The following FRMD4A variants were observed in gnomAD, a reference collection of about 807,000 sequenced individuals.
The protein encoded by FRMD4A is FERM domain-containing protein 4A.
Under a neutral mutation model 129.1 loss-of-function variants are expected in FRMD4A, and 29 were observed. The observed-to-expected ratio is 0.22, with a 90% confidence interval of 0.17 to 0.31. FRMD4A has a LOEUF of 0.31. Among genes scored for constraint, FRMD4A ranks in the 10% least tolerant of loss-of-function variants. The pLI is 1.00. For missense variants in FRMD4A, 1,272 were observed against 1,375.8 expected, an observed-to-expected ratio of 0.92 and a Z score of 1.19; for synonymous variants, 634 against 571.6, an observed-to-expected ratio of 1.11 and a Z score of -1.56.
intron 2 of FRMD4A, among the ~76,000 whole-genome samples, chr10:14,070,044 C>T (rs1009189316): frequency 2.0e-5 from 3 of 152,182 alleles, no homozygotes; most frequent in African/African-American, 7.2e-5. Flanking sequence ...ACAGCTTATA[C>T]AGCACATTGC....
At chr10:14,008,162 CTGTGTGTGTGTGTGTGTGTGTGTGTG>C (rs752913059) in intron 2 of FRMD4A, 5 of 630,184 alleles carry the variant, frequency 7.9e-6, no homozygotes, top group Non-Finnish European at 1.1e-5. Context: ...TGGTGTACAG[CTGTGTGTGTGTGTGTGTGTGTGTGTG>C]TGTGTGTGTG....
At chr10:14,237,336 T>C (rs991754812) in intron 2 of FRMD4A, among the ~76,000 whole-genome samples, 2 of 101,754 alleles carry the variant, frequency 2.0e-5, no homozygotes, top group Admixed American at 1.9e-4. Flanking sequence ...TTCTCTTTTT[T>C]TGTTGTTGTT....
At chr10:13,948,469 C>T (rs758894697) in intron 2 of FRMD4A, among the ~76,000 whole-genome samples, 3 of 152,118 alleles carry the variant, frequency 2.0e-5, no homozygotes, top group Non-Finnish European at 4.4e-5. Context: ...GATATCTCAG[C>T]AGACAAGTGA....
intron 2 of FRMD4A, among the ~76,000 whole-genome samples, chr10:14,107,564 C>T (rs943034120): frequency 6.6e-6 from 1 of 152,170 alleles, no homozygotes; most frequent in Non-Finnish European, 1.5e-5. Context: ...ATCATTATCT[C>T]ATTCACTTTG....
intron 2 of FRMD4A, among the ~76,000 whole-genome samples, chr10:14,220,804 GTGTGTGTT>G (rs374741307): frequency 1.5e-4 from 5 of 33,052 alleles, no homozygotes; most frequent in Admixed American, 5.6e-4. Context: ...GTGTGTGTGT[GTGTGTGTT>G]TGTGTGTGTG....
intron 2 of FRMD4A, among the ~76,000 whole-genome samples, chr10:13,927,118 G>A (rs367586998): frequency 4.6e-5 from 7 of 152,254 alleles, no homozygotes; most frequent in African/African-American, 1.2e-4. Context: ...TTAGCTGGGC[G>A]TGGTGGCACA....
At chr10:13,767,043 A>G (rs2092309590) in intron 6 of FRMD4A, among the ~76,000 whole-genome samples, 1 of 152,200 alleles carries the variant, frequency 6.6e-6, no homozygotes, top group Non-Finnish European at 1.5e-5. Flanking sequence ...ACTGCACTCC[A>G]GCCTGGTGAC....
rs1210268493 is a variant in FRMD4A at position 14,179,948 on chromosome 10, C to T, written c.45+150110G>A. Among the ~76,000 whole-genome samples, 8 of 152,178 alleles carry T rather than the reference C, an allele frequency of 5.3e-5. No homozygotes were observed. In the East Asian group the frequency reaches 1.2e-3, roughly 22 times the overall value. On this transcript the variant is annotated intron_variant, in intron 2 of 24. Coordinates refer to ENST00000357447, the MANE Select transcript of FRMD4A (RefSeq NM_018027.5). ...ACTCAGGAGGCTGATGCAGGAGAAT[C>T]GCTTGAATCCAGGAGGCGGAGGTTG...
rs183413948 is a variant in FRMD4A, at chr10:14,039,416, A to T, written c.46-180504T>A. On this transcript the variant is annotated intron_variant, in intron 2 of 24. Coordinates refer to ENST00000357447, the MANE Select transcript of FRMD4A (RefSeq NM_018027.5). Reference sequence around the variant, plus strand: ...CATCCATCCATCCATCCATCTATCTATCTATCTATCTATCTATATTGGAAC... The same window carrying T: ...CATCCATCCATCCATCCATCTATCTTTCTATCTATCTATCTATATTGGAAC... 9.9e-4 allele frequency among the ~76,000 whole-genome samples: 149 copies of T among 151,048 alleles called. 1 individual carries two copies. Among genetic ancestry groups the T allele is most frequent in the South Asian group, 1.5e-3 (7 of 4,788 alleles).
intron 15 of FRMD4A, chr10:13,692,534 GTCCCCGGAGGGCC>G: frequency 6.6e-6 from 1 of 152,274 alleles, no homozygotes; most frequent in East Asian, 1.9e-4. Context: ...CACTGCTAAG[GTCCCCGGAGGGCC>G]TCAGCCTGTC....
chr10:14,019,125 G>A (rs937360236), intron 2 of FRMD4A, among the ~76,000 whole-genome samples: 1 of 152,088 alleles, frequency 6.6e-6, no homozygotes. Context: ...ATAGAAAAGA[G>A]GATCCTCAAG....
intron 4 of FRMD4A, among the ~76,000 whole-genome samples, chr10:13,797,658 A>C (rs2093150616): frequency 1.3e-5 from 2 of 152,290 alleles, no homozygotes; most frequent in South Asian, 4.1e-4. Flanking sequence ...CCTGGAGAAG[A>C]CAGTCCTATA....
intron 2 of FRMD4A, among the ~76,000 whole-genome samples, chr10:14,017,498 A>G (rs1056986368): frequency 1.3e-5 from 2 of 152,192 alleles, no homozygotes; most frequent in African/African-American, 2.4e-5. Flanking sequence ...AATTTTTACT[A>G]GGCTTAGCTC....
chr10:14,064,006 G>C (rs1251829103), intron 2 of FRMD4A, among the ~76,000 whole-genome samples: 4 of 152,138 alleles, frequency 2.6e-5, no homozygotes, highest in African/African-American at 9.7e-5. Context: ...CCAGGGATTT[G>C]AAAAATCAAG....
chr10:14,227,053 A>C (rs1419683673), intron 2 of FRMD4A, among the ~76,000 whole-genome samples: 7 of 150,828 alleles, frequency 4.6e-5, no homozygotes, highest in Non-Finnish European at 1.0e-4. Flanking sequence ...ATGGCTGACC[A>C]CTCCCCACGA....
At chr10:14,111,061 T>A (rs1271241362) in intron 2 of FRMD4A, among the ~76,000 whole-genome samples, 1 of 152,220 alleles carries the variant, frequency 6.6e-6, no homozygotes, top group Non-Finnish European at 1.5e-5. Flanking sequence ...GTCAATTACA[T>A]TTATGTTGTT....
chr10:13,682,811 C>T (rs1253989707), intron 15 of FRMD4A, among the ~76,000 whole-genome samples: 1 of 151,926 alleles, frequency 6.6e-6, no homozygotes, highest in African/African-American at 2.4e-5. Flanking sequence ...CCTGGCCTCC[C>T]ATTTTCATAG....
intron 8 of FRMD4A, 126 bp downstream of exon 8, chr10:13,761,521 G>C: frequency 2.9e-6 from 2 of 699,796 alleles, no homozygotes; most frequent in Admixed American, 2.5e-5. Flanking sequence ...TTGAGAGTTA[G>C]ATCTCATCAT....
At chr10:13,679,474 T>TATATATATACACACACACACACACAC (rs1308155926) in intron 15 of FRMD4A, among the ~76,000 whole-genome samples, 3 of 31,486 alleles carry the variant, frequency 9.5e-5, no homozygotes, top group South Asian at 2.0e-3. Context: ...TATATATATA[T>TATATATATACACACACACACACACAC]ACACACACAC....
Sources: allele counts gnomAD v4.1 joint callset (sites outside exome capture counted in the v4.1 genomes callset), GRCh38; gene constraint gnomAD v4.1.1; transcripts MANE v1.5; gene names NCBI Gene and HGNC (gene_info 2026-07-23, HGNC 2026-07-21).